The following SLC2A12 variants were observed in gnomAD, a reference collection of about 807,000 sequenced individuals.
The protein encoded by SLC2A12 is solute carrier family 2 member 12.
In SLC2A12, 23 loss-of-function variants were observed where a neutral mutation model predicts 41.8. The ratio of observed to expected loss-of-function variants is 0.55; its 90% CI spans 0.40 to 0.78. SLC2A12 has a LOEUF of 0.78. SLC2A12 is among the 30% of genes least tolerant of loss of function. SLC2A12 has a pLI of 0.00. For missense variants in SLC2A12, 654 were observed against 745.6 expected (o/e 0.88, Z 1.43); for synonymous variants, 295 against 285.9 (o/e 1.03, Z -0.32).
rs371788575 is a variant in SLC2A12 at position 133,993,233 on chromosome 6, T to C, written c.1701-1925A>G. ...GACTTAAATACCACTTATAAGCTGA[T>C]GGCCACCCACATTTGACTCTAACCC... On this transcript the variant is annotated intron_variant, in intron 4 of 4. Transcript: ENST00000275230. 1.4e-4 allele frequency among the ~76,000 whole-genome samples: 22 copies of C among 152,302 alleles called. 2 individuals are homozygous for C. The highest frequency in any genetic ancestry group is 5.3e-4 in the African/African-American group (22 of 41,576).
At chr6:134,035,821 TAA>T (rs900470427) in intron 1 of SLC2A12, among the ~76,000 whole-genome samples, 1 of 152,146 alleles carries the variant, frequency 6.6e-6, no homozygotes, top group African/African-American at 2.4e-5. Context: ...GGTGATAAAG[TAA>T]AACTGTTCCT....
chr6:133,994,601 A>G (rs561950253), intron 4 of SLC2A12, among the ~76,000 whole-genome samples: 5 of 152,156 alleles, frequency 3.3e-5, no homozygotes, highest in East Asian at 1.9e-4. Flanking sequence ...GGTGGCGGGC[A>G]CCTGTAGTCC....
intron 2 of SLC2A12, among the ~76,000 whole-genome samples, chr6:134,007,225 C>T (rs879340375): frequency 3.9e-5 from 6 of 152,348 alleles, no homozygotes; most frequent in Admixed American, 2.6e-4. Context: ...AAATGCAAAC[C>T]GCAGGGGCAG....
In SLC2A12 at chr6:133,991,243, G is replaced by C. The variant is rs765043633; in HGVS notation, c.1766C>G (p.Pro589Arg). 3.7e-6 allele frequency: 6 copies of C among 1,613,776 alleles called. No individual in the cohort carries two copies. The Admixed American group carries it at 5.0e-5, about 13-fold the overall frequency. Reference protein sequence around the residue: ...HHQEELVPKQPQKRKPQEQLL... With the variant: ...HHQEELVPKQRQKRKPQEQLL... ...CTGCTCCTGGGGTTTTCTTTTTTGA[G>C]GCTGTTTTGGCACTAATTCTTCTTG... The change falls in exon 5 of 5, where the codon CCT becomes CGT. Residue 589 changes from proline to arginine, a missense_variant. By Grantham distance (103) the Pro-to-Arg change is moderately radical. Coordinates refer to ENST00000275230, the MANE Select transcript of SLC2A12 (RefSeq NM_145176.3).
intron 1 of SLC2A12, among the ~76,000 whole-genome samples, chr6:134,034,201 G>A (rs564325282): frequency 5.9e-5 from 9 of 152,220 alleles, no homozygotes; most frequent in Admixed American, 3.9e-4. Context: ...GCCTTTAAGA[G>A]GTTAAAACCT....
chr6:134,028,261 G>T (rs1246384971), intron 2 of SLC2A12, 120 bp downstream of exon 2: 6 of 1,303,208 alleles, frequency 4.6e-6, no homozygotes, highest in Non-Finnish European at 6.3e-6. Flanking sequence ...TGCATTAGAA[G>T]GAACATCAGA....
intron 4 of SLC2A12, among the ~76,000 whole-genome samples, chr6:133,992,155 C>G (rs2114411655): frequency 6.6e-6 from 1 of 152,156 alleles, no homozygotes; most frequent in East Asian, 1.9e-4. Context: ...GGTATTTTTT[C>G]AGGATGGGAA....
rs1227923443 is a variant in SLC2A12 at position 133,990,884 on chromosome 6, G to T, written c.*271C>A. 1.3e-5 allele frequency: 4 copies of T among 318,792 alleles called. No homozygotes were observed. The highest frequency in any genetic ancestry group is 2.3e-5 in the Non-Finnish European group (4 of 175,694). The allele number at this position is 318,792 out of a possible 1,614,324, so 19.7% of individuals were successfully genotyped here. On this transcript the variant is annotated 3_prime_UTR_variant, in exon 5 of 5. Coordinates refer to ENST00000275230, the MANE Select transcript of SLC2A12 (RefSeq NM_145176.3). ...CAAAGGCTGCTCTGTGAAGAAGGTA[G>T]AAAGTATTAAACCAGCCAGTAACTT... is the stretch of plus-strand genomic sequence containing the variant.
At chr6:134,017,845 G>A (rs1776983854) in intron 2 of SLC2A12, among the ~76,000 whole-genome samples, 2 of 150,554 alleles carry the variant, frequency 1.3e-5, no homozygotes, top group Non-Finnish European at 3.0e-5. Context: ...GCGACAGAGC[G>A]AGACTCTGTC....
chr6:133,995,200 C>CTTTTG (rs757240182), intron 4 of SLC2A12, among the ~76,000 whole-genome samples: 10 of 152,214 alleles, frequency 6.6e-5, no homozygotes, highest in East Asian at 5.8e-4. Flanking sequence ...ACAAAAAGAC[C>CTTTTG]TTTTGTTTTG....
chr6:134,031,067 T>A (rs1777198364), intron 1 of SLC2A12, among the ~76,000 whole-genome samples: 1 of 152,112 alleles, frequency 6.6e-6, no homozygotes, highest in South Asian at 2.1e-4. Context: ...AGTAGGCAGA[T>A]TCAAGACTTA....
chr6:134,046,642 A>AT (rs891551164), intron 1 of SLC2A12, among the ~76,000 whole-genome samples: 1 of 151,830 alleles, frequency 6.6e-6, no homozygotes, highest in African/African-American at 2.4e-5. Context: ...CTACTAAAAA[A>AT]AAATATATAT....
At position 134,052,601 on chromosome 6, in the gene SLC2A12, G is replaced by C; in HGVS notation, c.-121C>G. On this transcript the variant is annotated 5_prime_UTR_variant, in exon 1 of 5. Coordinates refer to ENST00000275230, the MANE Select transcript of SLC2A12 (RefSeq NM_145176.3). ...AGAAGAGTGTGGGGAAAAACTTCGGGCAAAGCTAATGTGATTTGTGACCAA... is the reference window on the plus strand; with the variant it reads ...AGAAGAGTGTGGGGAAAAACTTCGGCCAAAGCTAATGTGATTTGTGACCAA... 2.7e-6 allele frequency: 2 copies of C among 733,806 alleles called. No individual in the cohort carries two copies. Among genetic ancestry groups the C allele is most frequent in the Non-Finnish European group, 4.5e-6 (2 of 441,214 alleles). 45.5% of individuals were successfully genotyped at this position (733,806 alleles called of 1,614,324 possible). A position where few individuals can be genotyped will look rare whatever the true frequency, so the allele number is the denominator to read the frequency against.
intron 2 of SLC2A12, 149 bp downstream of exon 2, chr6:134,028,232 A>G (rs1582615963): frequency 1.9e-6 from 2 of 1,067,944 alleles, no homozygotes; most frequent in Non-Finnish European, 2.6e-6. Context: ...AGAAGCAGAT[A>G]TAAGCCAAGC....
chr6:134,014,622 T>C (rs1399892496), intron 2 of SLC2A12, among the ~76,000 whole-genome samples: 1 of 152,262 alleles, frequency 6.6e-6, no homozygotes, highest in Non-Finnish European at 1.5e-5. Context: ...TGAAAAATCC[T>C]TAACACTGAG....
intron 3 of SLC2A12, among the ~76,000 whole-genome samples, chr6:134,006,166 G>T (rs558495621): frequency 8.8e-6 from 1 of 113,654 alleles, no homozygotes. Context: ...GCAACAGAGA[G>T]AGACTATCGG....
At chr6:134,016,084 C>T (rs1296554647) in intron 2 of SLC2A12, among the ~76,000 whole-genome samples, 1 of 152,098 alleles carries the variant, frequency 6.6e-6, no homozygotes, top group Non-Finnish European at 1.5e-5. Flanking sequence ...AGGTCTCTCA[C>T]ATTTCTTCAT....
At position 134,029,592 on chromosome 6, in the gene SLC2A12, T is replaced by C; in HGVS notation, c.233A>G (p.Glu78Gly). 2 of 1,614,074 alleles carry C rather than the reference T, an allele frequency of 1.2e-6. No individual in the cohort carries two copies. The highest frequency in any genetic ancestry group is 1.7e-6 in the Non-Finnish European group (2 of 1,180,000). Residue 78 changes from glutamate to glycine, a missense_variant, in exon 2 of 5, where the codon GAG becomes GGG. Transcript: ENST00000275230. Reference sequence around the variant, plus strand: ...GAGGGAGCTCACAACCATTTCCTGCTCATGGCAGCTCAGGGCTAATAAGGT... The same window carrying C: ...GAGGGAGCTCACAACCATTTCCTGCCCATGGCAGCTCAGGGCTAATAAGGT... ...IKTLLALSCH[E>G]QEMVVSSLVI...
At chr6:134,020,279 G>A (rs909552435) in intron 2 of SLC2A12, among the ~76,000 whole-genome samples, 2 of 152,262 alleles carry the variant, frequency 1.3e-5, no homozygotes, top group Non-Finnish European at 2.9e-5. Flanking sequence ...GTTTAATCTT[G>A]CTTTCAATGT....
Sources: gnomAD v4.1 joint callset for allele counts (sites outside exome capture counted in the v4.1 genomes callset) on GRCh38, gnomAD v4.1.1 for gene constraint, MANE v1.5 for transcripts, NCBI Gene and HGNC (gene_info 2026-07-23, HGNC 2026-07-21) for gene names.